The following ERAP1 variants were observed in gnomAD, a reference collection of about 807,000 sequenced individuals.
The protein encoded by ERAP1 is adipocyte-derived leucine aminopeptidase.
In ERAP1, 86 loss-of-function variants were observed where a neutral mutation model predicts 103.7. The observed-to-expected ratio is 0.83, with a 90% CI of 0.70 to 0.99. The LOEUF (loss-of-function observed/expected upper bound fraction) is 0.99. ERAP1 is among the 50% of genes least tolerant of loss of function. The pLI, the probability that ERAP1 is intolerant of heterozygous loss-of-function variation, is 0.00. For missense variants in ERAP1, 1,009 were observed against 1,128.4 expected (o/e 0.89, Z 1.52); for synonymous variants, 398 against 402.4 (o/e 0.99, Z 0.13).
chr5:96,856,349 A>AATATATATATATATATAT, the ERAP1 span, among the ~76,000 whole-genome samples: 70 of 8,530 alleles, frequency 8.2e-3, 1 homozygote, highest in East Asian at 9.7e-3. Context: ...AAAAAAAAAA[A>AATATATATATATATATAT]ATATATATAT....
exon 20 of ERAP1, chr5:96,762,411 C>G: frequency 7.0e-7 from 1 of 1,425,026 alleles, no homozygotes; most frequent in South Asian, 1.3e-5. Context: ...AATGTTTTTG[C>G]GCAGCCACAA....
chr5:96,782,248 A>C (rs895741265), intron 15 of ERAP1, among the ~76,000 whole-genome samples: 2 of 152,030 alleles, frequency 1.3e-5, no homozygotes, highest in African/African-American at 4.8e-5. Flanking sequence ...TGACCTCGTG[A>C]TCCACCCACC....
chr5:96,916,050 G>A, the ERAP1 span, among the ~76,000 whole-genome samples: 1 of 151,924 alleles, frequency 6.6e-6, no homozygotes, highest in Non-Finnish European at 1.5e-5. Context: ...GTGAAACCCT[G>A]TCTCTAATAA....
chr5:96,930,854 T>A, the ERAP1 span, among the ~76,000 whole-genome samples: 1 of 152,186 alleles, frequency 6.6e-6, no homozygotes, highest in African/African-American at 2.4e-5. Context: ...TTGGAGCTTA[T>A]GCTTGGACAT....
At chr5:96,809,128 G>T (rs922559785), upstream of ERAP1, among the ~76,000 whole-genome samples, 2 of 152,244 alleles carry the variant, frequency 1.3e-5, no homozygotes, top group Non-Finnish European at 2.9e-5. Flanking sequence ...TGAGACCGTA[G>T]CAGTGACGAC....
At chr5:96,915,654 T>C in the ERAP1 span, 1 of 1,342,532 alleles carries the variant, frequency 7.4e-7, no homozygotes, top group Non-Finnish European at 1.0e-6. Flanking sequence ...TCAGTATTTC[T>C]ATGACTTTCT....
the ERAP1 span, among the ~76,000 whole-genome samples, chr5:96,927,140 A>T: frequency 1.3e-5 from 2 of 152,196 alleles, no homozygotes; most frequent in Non-Finnish European, 2.9e-5. Flanking sequence ...TTGAATGTGC[A>T]TAAGTTTTCT....
At chr5:96,848,873 A>T in the ERAP1 span, 2 of 131,294 alleles carry the variant, frequency 1.5e-5, no homozygotes, top group Non-Finnish European at 3.3e-5. Flanking sequence ...ATAGATGCAA[A>T]AATTTTTAAT....
At chr5:96,935,091 G>A in the ERAP1 span, 1 of 152,388 alleles carries the variant, frequency 6.6e-6, no homozygotes, top group Non-Finnish European at 1.5e-5. Context: ...GGGGGCAGGG[G>A]CGACTAGGGG....
the ERAP1 span, chr5:96,919,063 G>T: frequency 1.3e-5 from 2 of 152,162 alleles, no homozygotes; most frequent in Non-Finnish European, 2.9e-5. Flanking sequence ...ATAAGTTTTA[G>T]AAAGACTCAA....
the ERAP1 span, among the ~76,000 whole-genome samples, chr5:96,868,963 C>T: frequency 5.3e-5 from 8 of 151,996 alleles, no homozygotes; most frequent in Non-Finnish European, 8.8e-5. Flanking sequence ...GTTGTATACT[C>T]GTAGAATGTT....
chr5:96,779,936 T>C (rs1774910143), intron 18 of ERAP1, among the ~76,000 whole-genome samples: 1 of 152,190 alleles, frequency 6.6e-6, no homozygotes, highest in South Asian at 2.1e-4. Flanking sequence ...CCATTATGTA[T>C]CTTTTTGTCC....
the ERAP1 span, chr5:96,913,182 A>G: frequency 0.52 from 340,466 of 652,656 alleles, 89,920 homozygotes; most frequent in Middle Eastern, 0.61. Flanking sequence ...AGTTTAATTG[A>G]AACATTAAAA....
rs1357387435 is a variant in ERAP1, at chr5:96,788,536, G to A, written c.1674C>T (p.Asp558=). 1 of 1,614,156 alleles carries A rather than the reference G, an allele frequency of 6.2e-7. No homozygotes were observed. The highest frequency in any genetic ancestry group is 8.5e-7 in the Non-Finnish European group (1 of 1,180,028). Residue 558 remains aspartate, a synonymous_variant, in exon 11 of 19, where the codon GAC becomes GAT. Coordinates refer to ENST00000443439, the MANE Select transcript of ERAP1 (RefSeq NM_001040458.3). ...TTTTACTCTAGGAGCATTACCCAGT[G>A]TCCGGGGCGCCGTCAGAGCCCTTCA... ...HYMKGSDGAP[D]TGYLWHVPLT... is the part of the protein sequence containing the mutation.
the ERAP1 span, among the ~76,000 whole-genome samples, chr5:96,816,967 C>T: frequency 6.6e-6 from 1 of 152,104 alleles, no homozygotes; most frequent in Non-Finnish European, 1.5e-5. Context: ...CCATTCTGCT[C>T]GTGAGTTTTG....
In ERAP1 at chr5:96,795,168, G is replaced by A. The variant is rs769814762; in HGVS notation, c.799-6C>T. ...GGCACAGCATAAACAGAAACCTAAA[G>A]AGAAAGGCACAGAAAGGAATTCAAA... On this transcript the variant is annotated splice_region_variant and splice_polypyrimidine_tract_variant and intron_variant, in intron 4 of 18. Transcript: ENST00000443439. 2 of 1,613,174 alleles carry A rather than the reference G, an allele frequency of 1.2e-6. No homozygotes were observed. The highest frequency in any genetic ancestry group is 1.7e-6 in the Non-Finnish European group (2 of 1,179,926).
chr5:96,771,345 C>G (rs1772238095), downstream of ERAP1, among the ~76,000 whole-genome samples: 1 of 152,094 alleles, frequency 6.6e-6, no homozygotes, highest in South Asian at 2.1e-4. Flanking sequence ...AGGATCACCA[C>G]AGAATGAAAC....
chr5:96,834,733 A>C, the ERAP1 span, among the ~76,000 whole-genome samples: 2 of 152,230 alleles, frequency 1.3e-5, no homozygotes, highest in Non-Finnish European at 2.9e-5. Flanking sequence ...TATCACTGGA[A>C]GTGTTTGATG....
At chr5:96,782,973 C>T in intron 15 of ERAP1, 78 bp downstream of exon 15, 1 of 1,471,242 alleles carries the variant, frequency 6.8e-7, no homozygotes, top group South Asian at 1.1e-5. Flanking sequence ...TTTGTTTTCC[C>T]TAATGTTTAG....
Sources: gnomAD v4.1 joint callset for allele counts (sites outside exome capture counted in the v4.1 genomes callset) on GRCh38, gnomAD v4.1.1 for gene constraint, MANE v1.5 for transcripts, NCBI Gene and HGNC (gene_info 2026-07-23, HGNC 2026-07-21) for gene names.